The following MCC variants were observed in gnomAD, a reference collection of about 807,000 sequenced individuals.
MCC encodes colorectal mutant cancer protein.
Under a neutral mutation model 116.2 loss-of-function variants are expected in MCC, and 90 were observed. The observed-to-expected ratio is 0.77, with a 90% CI of 0.65 to 0.92. The LOEUF is 0.92. MCC is among the 40% of genes least tolerant of loss of function. The pLI is 0.00. For missense variants in MCC, 1,516 were observed against 1,312.2 expected (o/e 1.16, Z -2.40); for synonymous variants, 578 against 510.5 (o/e 1.13, Z -1.78).
chr5:113,284,313 C>A (rs73781507), intron 3 of MCC, among the ~76,000 whole-genome samples: 126 of 152,284 alleles, frequency 8.3e-4, no homozygotes, highest in Middle Eastern at 3.4e-3. Context: ...TGTACTCCAG[C>A]CTGCAAAATG....
chr5:113,294,708 C>A, intron 3 of MCC: 1 of 1,013,902 alleles, frequency 9.9e-7, no homozygotes, highest in Non-Finnish European at 1.2e-6. Context: ...CCACCCTGGG[C>A]GCCGCCTCGC....
At chr5:113,151,011 T>C (rs553729280) in intron 4 of MCC, among the ~76,000 whole-genome samples, 1 of 152,310 alleles carries the variant, frequency 6.6e-6, no homozygotes, top group East Asian at 1.9e-4. Flanking sequence ...GCCACCGCAC[T>C]CCAGCTTGGG....
At chr5:113,073,644 G>C (rs965875737) in intron 11 of MCC, among the ~76,000 whole-genome samples, 1 of 148,398 alleles carries the variant, frequency 6.7e-6, no homozygotes, top group Non-Finnish European at 1.5e-5. Context: ...ATATCAGTTC[G>C]CCATATGGCT....
intron 3 of MCC, among the ~76,000 whole-genome samples, chr5:113,301,700 G>T (rs984542680): frequency 6.6e-6 from 1 of 151,858 alleles, no homozygotes; most frequent in East Asian, 1.9e-4. Flanking sequence ...GTGAGGGAAG[G>T]GTGGACAGGC....
Position 113,387,262 on chromosome 5 carries a change from A to C in MCC, c.171-2050T>G, listed in dbSNP as rs1002815781. Among the ~76,000 whole-genome samples, 3 of 152,230 alleles carry C rather than the reference A, an allele frequency of 2.0e-5. No homozygotes were observed. In the East Asian group the frequency reaches 5.8e-4, roughly 29 times the overall value. ...AAGTTCTTATTGTTCATGCAAATTA[A>C]AGTTCATTCTTAAGCTCAGATTTTG... On this transcript the variant is annotated intron_variant, in intron 1 of 18. Coordinates refer to ENST00000408903, the MANE Select transcript of MCC (RefSeq NM_001085377.2).
At chr5:113,474,147 G>A (rs891068273) in intron 1 of MCC, among the ~76,000 whole-genome samples, 3 of 152,208 alleles carry the variant, frequency 2.0e-5, no homozygotes, top group African/African-American at 7.2e-5. Context: ...AGCATTTGAA[G>A]TGTTTCTATT....
chr5:113,294,882 GCC>G (rs1581379275), intron 3 of MCC: 3 of 985,786 alleles, frequency 3.0e-6, no homozygotes, highest in Non-Finnish European at 3.6e-6. Flanking sequence ...GCTAGAGGGA[GCC>G]GGAGCGGAGC....
chr5:113,058,609 C>G (rs1752997927), intron 14 of MCC, among the ~76,000 whole-genome samples: 1 of 152,180 alleles, frequency 6.6e-6, no homozygotes, highest in Non-Finnish European at 1.5e-5. Context: ...TCCTGGCTGC[C>G]CTGGTGGGTG....
In MCC at chr5:113,294,409, C is replaced by T. The variant is rs150860756; in HGVS notation, c.627+46110G>A. The stretch of plus-strand genomic sequence containing the variant: ...ATGATGCACTTTTCAGAGCTGGGCT[C>T]TCAGTCCCCCAGGTCTCGGAGCTTA... On this transcript the variant is annotated intron_variant, in intron 3 of 18. Coordinates refer to ENST00000408903, the MANE Select transcript of MCC (RefSeq NM_001085377.2). 324 of 1,613,514 alleles carry T rather than the reference C, an allele frequency of 2.0e-4. 1 individual carries two copies. The African/African-American group carries it at 3.6e-3, about 18-fold the overall frequency.
chr5:113,169,927 A>G (rs906115527), intron 3 of MCC, among the ~76,000 whole-genome samples: 3 of 152,224 alleles, frequency 2.0e-5, no homozygotes, highest in African/African-American at 4.8e-5. Context: ...TAACATTTCT[A>G]TTCTACTCCA....
chr5:113,122,849 A>C, intron 5 of MCC, 23 bp from the exon 6 acceptor site: 1 of 1,613,424 alleles, frequency 6.2e-7, no homozygotes, highest in Non-Finnish European at 8.5e-7. Flanking sequence ...GAGAATTGGC[A>C]ACCACTAACA....
intron 1 of MCC, among the ~76,000 whole-genome samples, chr5:113,440,900 T>C (rs373509233): frequency 1.6e-4 from 25 of 152,328 alleles, no homozygotes; most frequent in African/African-American, 4.3e-4. Flanking sequence ...GCTGGAATCA[T>C]AGTGTGACAG....
intron 3 of MCC, among the ~76,000 whole-genome samples, chr5:113,221,243 G>A (rs1481432848): frequency 6.6e-6 from 1 of 152,168 alleles, no homozygotes; most frequent in Non-Finnish European, 1.5e-5. Context: ...ACACAGATGT[G>A]CTTGCATTTA....
intron 3 of MCC, among the ~76,000 whole-genome samples, chr5:113,153,966 A>C (rs1324038035): frequency 1.3e-5 from 2 of 152,242 alleles, no homozygotes; most frequent in African/African-American, 4.8e-5. Flanking sequence ...GGTATTGTAC[A>C]TGACAGAGTT....
chr5:113,287,950 G>C (rs1343079773), intron 3 of MCC, among the ~76,000 whole-genome samples: 1 of 152,212 alleles, frequency 6.6e-6, no homozygotes, highest in Non-Finnish European at 1.5e-5. Context: ...CTGCTTCCAG[G>C]TCTGTGGCCA....
intron 3 of MCC, among the ~76,000 whole-genome samples, chr5:113,155,442 T>C (rs544515965): frequency 2.7e-4 from 41 of 152,202 alleles, no homozygotes; most frequent in African/African-American, 9.9e-4. Context: ...ATTTTAAGGG[T>C]TTTTTTAGGA....
At chr5:113,041,693 G>A (rs1454128578) in intron 17 of MCC, among the ~76,000 whole-genome samples, 1 of 152,158 alleles carries the variant, frequency 6.6e-6, no homozygotes, top group Non-Finnish European at 1.5e-5. Context: ...ATAAGTAGAA[G>A]CAGGACTCTC....
intron 1 of MCC, among the ~76,000 whole-genome samples, chr5:113,404,181 AT>A (rs1227144658): frequency 1.3e-5 from 2 of 152,058 alleles, no homozygotes; most frequent in Non-Finnish European, 2.9e-5. Context: ...TTGTTTCTTT[AT>A]TTGAGGGTGA....
chr5:113,385,151 T>C lies in MCC; in HGVS notation c.232A>G (p.Asn78Asp), dbSNP rs1206016460. 1.9e-6 allele frequency: 3 copies of C among 1,614,084 alleles called. No homozygotes were observed. The highest frequency in any genetic ancestry group is 1.6e-4 in the Middle Eastern group (1 of 6,084). ...CCATTTTCATCTGCTCCCAACTGGT[T>C]CATGATCTCAGCCACAGACTCTTCC... ...NMEESVAEIM[N>D]QLGADENGKI... Residue 78 changes from asparagine (N) to aspartate (D), a missense_variant, in exon 2 of 19, where the codon AAC (asparagine) becomes GAC (aspartate). Asn to Asp is a conservative substitution (Grantham distance 23, BLOSUM62 1). Coordinates refer to ENST00000408903, the MANE Select transcript of MCC (RefSeq NM_001085377.2).
Sources: allele counts gnomAD v4.1 joint callset (sites outside exome capture counted in the v4.1 genomes callset), GRCh38; gene constraint gnomAD v4.1.1; transcripts MANE v1.5; gene names NCBI Gene and HGNC (gene_info 2026-07-23, HGNC 2026-07-21).